HMGB1: variants seen among roughly 807,000 people sequenced by gnomAD.
The protein encoded by HMGB1 is high mobility group protein B1.
For missense variants in HMGB1, 79 were observed against 253.5 expected, an observed-to-expected ratio of 0.31 and a Z score of 4.67; for synonymous variants, 81 against 84.0, an observed-to-expected ratio of 0.96 and a Z score of 0.19.
At chr13:30,611,649 G>A (rs896326574) in intron 1 of HMGB1, among the ~76,000 whole-genome samples, 4 of 151,622 alleles carry the variant, frequency 2.6e-5, no homozygotes, top group African/African-American at 9.7e-5. Context: ...ATTTCATCCC[G>A]CCTTGTATGA....
At chr13:30,490,026 C>CAAAA (rs780306690) in intron 1 of HMGB1, among the ~76,000 whole-genome samples, 19 of 65,596 alleles carry the variant, frequency 2.9e-4, no homozygotes, top group Middle Eastern at 6.7e-3. Flanking sequence ...GCGCTGGTCT[C>CAAAA]AAAAAAAAAA....
upstream of HMGB1, among the ~76,000 whole-genome samples, chr13:30,466,888 A>C (rs1008245450): frequency 1.3e-5 from 2 of 152,230 alleles, no homozygotes; most frequent in African/African-American, 4.8e-5. Context: ...TGTTACAATC[A>C]AACGAATCCT....
chr13:30,558,171 A>G (rs1190666258), intron 1 of HMGB1, among the ~76,000 whole-genome samples: 1 of 152,236 alleles, frequency 6.6e-6, no homozygotes, highest in African/African-American at 2.4e-5. Context: ...TCCCAGGCAA[A>G]TATGGATCAG....
chr13:30,469,819 C>T (rs1242212909), upstream of HMGB1, among the ~76,000 whole-genome samples: 9 of 152,136 alleles, frequency 5.9e-5, no homozygotes, highest in East Asian at 1.9e-4. Context: ...TTAGTGGAGA[C>T]GGGGTTTCAC....
chr13:30,530,966 G>A (rs898915399), intron 1 of HMGB1, among the ~76,000 whole-genome samples: 2 of 152,220 alleles, frequency 1.3e-5, no homozygotes, highest in Non-Finnish European at 2.9e-5. Flanking sequence ...AAGGTCACCT[G>A]AGGCCAGAAG....
At chr13:30,505,429 T>C (rs543417588) in intron 1 of HMGB1, among the ~76,000 whole-genome samples, 33 of 152,158 alleles carry the variant, frequency 2.2e-4, no homozygotes, top group South Asian at 1.9e-3. Flanking sequence ...CAGCCCACCT[T>C]GACCTCCCAA....
At chr13:30,612,608 A>G (rs1950522827) in intron 1 of HMGB1, among the ~76,000 whole-genome samples, 1 of 152,214 alleles carries the variant, frequency 6.6e-6, no homozygotes, top group Non-Finnish European at 1.5e-5. Context: ...TCCTGGCTAA[A>G]TTAAATGATG....
intron 1 of HMGB1, chr13:30,554,587 C>A: frequency 1.3e-6 from 1 of 771,286 alleles, no homozygotes; most frequent in South Asian, 1.4e-5. Flanking sequence ...ATTCACCGAA[C>A]AAAATAATGA....
intron 1 of HMGB1, among the ~76,000 whole-genome samples, chr13:30,605,755 T>TC (rs1950451679): frequency 6.6e-6 from 1 of 152,160 alleles, no homozygotes; most frequent in East Asian, 1.9e-4. Context: ...GATTTTTTTT[T>TC]CTCTCATTTT....
intron 1 of HMGB1, chr13:30,553,756 C>G: frequency 7.3e-7 from 1 of 1,377,766 alleles, no homozygotes; most frequent in African/African-American, 1.4e-5. Context: ...CGAAATGAGT[C>G]CCATGACTAT....
In HMGB1 at chr13:30,459,880, G is replaced by C. The variant is rs950159104; in HGVS notation, c.*1477C>G. Reference sequence around the variant, plus strand: ...AACCTCTGCAATTATTAGTTTATTAGTATCATCCAGGACTCAGATGTTCAG... The same window carrying C: ...AACCTCTGCAATTATTAGTTTATTACTATCATCCAGGACTCAGATGTTCAG... On this transcript the variant is annotated 3_prime_UTR_variant, in exon 5 of 5. Coordinates refer to ENST00000341423, the MANE Select transcript of HMGB1 (RefSeq NM_002128.7). 1 of 152,544 alleles carries C rather than the reference G, an allele frequency of 6.6e-6. No individual in the cohort carries two copies. Among genetic ancestry groups the C allele is most frequent in the African/African-American group, 2.4e-5 (1 of 41,430 alleles). 9.4% of individuals were successfully genotyped at this position (152,544 alleles called of 1,614,324 possible).
At chr13:30,529,752 G>A (rs905320864) in intron 1 of HMGB1, among the ~76,000 whole-genome samples, 4 of 152,168 alleles carry the variant, frequency 2.6e-5, no homozygotes, top group Admixed American at 6.6e-5. Flanking sequence ...ATTCAGGGAT[G>A]CTGAAACAGC....
At chr13:30,501,268 G>A (rs1887728288) in intron 1 of HMGB1, among the ~76,000 whole-genome samples, 1 of 152,174 alleles carries the variant, frequency 6.6e-6, no homozygotes, top group African/African-American at 2.4e-5. Flanking sequence ...AAGTATCTAT[G>A]GATAGCTCCA....
At position 30,546,350 on chromosome 13, in the gene HMGB1, G is replaced by A. The variant is rs144571070; in HGVS notation, c.-15+70321C>T. ...AGGATGGTGTTGGTCTCCTGACCTC[G>A]TGATCTGCCTGCCTTGGCCTCCCAA... On this transcript the variant is annotated intron_variant, in intron 1 of 4. Transcript: ENST00000405805. 7.7e-3 allele frequency among the ~76,000 whole-genome samples: 1,168 copies of A among 152,252 alleles called. 20 individuals are homozygous for A. Among genetic ancestry groups the A allele is most frequent in the African/African-American group, 0.027 (1,134 of 41,528 alleles).
intron 1 of HMGB1, among the ~76,000 whole-genome samples, chr13:30,578,148 C>T (rs1870739467): frequency 6.6e-6 from 1 of 151,908 alleles, no homozygotes; most frequent in African/African-American, 2.4e-5. Context: ...CTTCCCTTGG[C>T]CAGCTCCCAT....
At position 30,504,708 on chromosome 13, in the gene HMGB1, C is replaced by T. The variant is rs180986563; in HGVS notation, c.-14-41014G>A. ...CTTACAGATGAAAAACAGATAAAGG[C>T]AAGCATGCTCAGACAGGAGGAATGA... is the stretch of plus-strand genomic sequence containing the variant. On this transcript the variant is annotated intron_variant, in intron 1 of 4. Transcript: ENST00000405805. 2.1e-3 allele frequency among the ~76,000 whole-genome samples: 315 copies of T among 152,188 alleles called. 2 individuals are homozygous for T. The highest frequency in any genetic ancestry group is 7.0e-3 in the African/African-American group (291 of 41,500).
intron 1 of HMGB1, among the ~76,000 whole-genome samples, chr13:30,592,863 CTTTT>C (rs1255636514): frequency 7.1e-6 from 1 of 141,002 alleles, no homozygotes. Context: ...AAATTTAGTG[CTTTT>C]TTTTAAAAAA....
rs1886261486 is a variant in HMGB1, at chr13:30,460,616, TGAGTA to T, written c.*736_*740del. On this transcript the variant is annotated 3_prime_UTR_variant, in exon 5 of 5. Coordinates refer to ENST00000341423, the MANE Select transcript of HMGB1 (RefSeq NM_002128.7). Reference sequence around the variant, plus strand: ...GTTTGATTCTAATAATCCCATGCTTTGAGTAGATTGATTACTCTTCAGTTTGTAAA... The same window carrying T: ...GTTTGATTCTAATAATCCCATGCTTTGATTGATTACTCTTCAGTTTGTAAA... 6.6e-6 allele frequency: 1 copy of T among 152,662 alleles called. No homozygotes were observed. The highest frequency in any genetic ancestry group is 1.5e-5 in the Non-Finnish European group (1 of 68,020). The allele number at this position is 152,662 out of a possible 1,614,324, so 9.5% of individuals were successfully genotyped here.
At chr13:30,612,312 G>C (rs1474548692) in intron 1 of HMGB1, among the ~76,000 whole-genome samples, 2 of 151,678 alleles carry the variant, frequency 1.3e-5, no homozygotes, top group Non-Finnish European at 2.9e-5. Flanking sequence ...AGGACAGAGG[G>C]CTCCTCAAAT....
Sources: allele counts gnomAD v4.1 joint callset (sites outside exome capture counted in the v4.1 genomes callset), GRCh38; gene constraint gnomAD v4.1.1; transcripts MANE v1.5; gene names NCBI Gene and HGNC (gene_info 2026-07-23, HGNC 2026-07-21).